Variants in SLC30A8 observed in about 807,000 individuals in gnomAD.
SLC30A8 encodes solute carrier family 30 member 8.
SLC30A8 carries 27 observed loss-of-function variants against 36.9 expected under a neutral mutation model. The observed-to-expected ratio is 0.73, with a 90% CI of 0.54 to 1.01. The LOEUF is 1.01. Ranked by LOEUF, SLC30A8 falls within the 50% of genes least tolerant of loss-of-function variation. SLC30A8 has a pLI of 0.00. For synonymous variants in SLC30A8, 164 were observed against 172.4 expected, an observed-to-expected ratio of 0.95 and a Z score of 0.38; for missense variants, 439 against 452.0, an observed-to-expected ratio of 0.97 and a Z score of 0.26.
intron 2 of SLC30A8, among the ~76,000 whole-genome samples, chr8:117,084,657 G>T (rs1037617105): frequency 3.9e-5 from 6 of 152,080 alleles, no homozygotes; most frequent in Non-Finnish European, 8.8e-5. Context: ...CCGGACTTTT[G>T]TGTTTTTATA....
chr8:117,072,712 G>A (rs10505293), intron 2 of SLC30A8, among the ~76,000 whole-genome samples: 57,748 of 151,688 alleles, frequency 0.38, 14,183 homozygotes, highest in African/African-American at 0.7. Context: ...TATGTGAGCT[G>A]TTTTGTCAGT....
chr8:117,002,998 A>G (rs1205305703), intron 1 of SLC30A8, among the ~76,000 whole-genome samples: 1 of 152,194 alleles, frequency 6.6e-6, no homozygotes, highest in African/African-American at 2.4e-5. Context: ...GATCTCATAC[A>G]GTAGATAATA....
In SLC30A8 at chr8:116,987,572, G is replaced by A. The variant is rs867492963; in HGVS notation, c.-266+36453G>A. Reference sequence around the variant, plus strand: ...GTCTTGAATACCAACATGAAGTTCCGTCAGCTGTTTAATTAGCTTCTGATC... The same window carrying A: ...GTCTTGAATACCAACATGAAGTTCCATCAGCTGTTTAATTAGCTTCTGATC... On this transcript the variant is annotated intron_variant, in intron 1 of 10. Transcript: ENST00000427715. Among the ~76,000 whole-genome samples the A allele has an allele frequency of 7.3e-5, 11 of 151,644 alleles. No homozygotes were observed. In the South Asian group the frequency reaches 1.0e-3, roughly 14 times the overall value.
At chr8:117,035,477 GC>G (rs1248312268) in intron 1 of SLC30A8, among the ~76,000 whole-genome samples, 4 of 152,190 alleles carry the variant, frequency 2.6e-5, no homozygotes, top group Non-Finnish European at 5.9e-5. Flanking sequence ...GGCTCCCACA[GC>G]CTTGGGCAGC....
chr8:117,127,281 C>T (rs1028288184), intron 2 of SLC30A8, among the ~76,000 whole-genome samples: 1 of 152,028 alleles, frequency 6.6e-6, no homozygotes, highest in African/African-American at 2.4e-5. Flanking sequence ...AGTCTTTTCA[C>T]ATTACTTAAT....
chr8:116,986,944 T>A (rs4242567), intron 1 of SLC30A8, among the ~76,000 whole-genome samples: 71,964 of 152,034 alleles, frequency 0.47, 17,320 homozygotes, highest in African/African-American at 0.53. Flanking sequence ...AATGTAAATG[T>A]AATGATACAT....
At chr8:117,127,166 C>T (rs777879673) in intron 2 of SLC30A8, among the ~76,000 whole-genome samples, 3 of 151,976 alleles carry the variant, frequency 2.0e-5, no homozygotes, top group East Asian at 1.9e-4. Context: ...CTAAGCATCG[C>T]GTACCTAATT....
rs546945864 is a variant in SLC30A8, at chr8:117,005,511, T to C, written c.-265-33708T>C. Among the ~76,000 whole-genome samples the C allele has an allele frequency of 3.3e-5, 5 of 152,332 alleles. No individual in the cohort carries two copies. The South Asian group carries it at 1.0e-3, about 32-fold the overall frequency. On this transcript the variant is annotated intron_variant, in intron 1 of 10. Coordinates refer to the SLC30A8 transcript ENST00000427715. ...TAGGTTGATTCCACCTCTTGGCTAT[T>C]GTGAATAGTGCTGCTATTAATATGC... is the stretch of plus-strand genomic sequence containing the variant.
At chr8:117,126,985 A>C (rs1820933326) in intron 2 of SLC30A8, among the ~76,000 whole-genome samples, 1 of 152,000 alleles carries the variant, frequency 6.6e-6, no homozygotes, top group Non-Finnish European at 1.5e-5. Flanking sequence ...ATTTCCAGGT[A>C]ACTGAAGCTT....
chr8:117,063,795 T>C (rs1818088071), intron 2 of SLC30A8, among the ~76,000 whole-genome samples: 1 of 152,038 alleles, frequency 6.6e-6, no homozygotes, highest in South Asian at 2.1e-4. Context: ...TAAGGGAAAA[T>C]AGGAGTTGAG....
chr8:117,072,987 C>T lies in SLC30A8; in HGVS notation c.-226+33729C>T, dbSNP rs929467096. ...AATGTGGTCTTTGGTATAAAATATA[C>T]TGTGTCTGACATTTATGTGTGATGT... On this transcript the variant is annotated intron_variant, in intron 2 of 10. Transcript: ENST00000427715. Among the ~76,000 whole-genome samples the T allele has an allele frequency of 1.1e-4, 16 of 152,162 alleles. No homozygotes were observed. In the East Asian group the frequency reaches 1.7e-3, roughly 17 times the overall value.
rs543318116 is a variant in SLC30A8 at position 116,997,167 on chromosome 8, G to A, written c.-265-42052G>A. 3.3e-5 allele frequency among the ~76,000 whole-genome samples: 5 copies of A among 152,222 alleles called. No homozygotes were observed. In the East Asian group the frequency reaches 9.7e-4, roughly 29 times the overall value. On this transcript the variant is annotated intron_variant, in intron 1 of 10. Coordinates refer to the SLC30A8 transcript ENST00000427715. ...AGAAGACGAAGGGGGTGAAGCACAC[G>A]ATCCCATGCTTACCATCCACCTCTG...
At chr8:117,002,061 T>C (rs1235074376) in intron 1 of SLC30A8, among the ~76,000 whole-genome samples, 4 of 152,232 alleles carry the variant, frequency 2.6e-5, no homozygotes. Context: ...GACCTTTGTC[T>C]GCTTTCTTCC....
intron 2 of SLC30A8, among the ~76,000 whole-genome samples, chr8:117,094,145 C>T: frequency 6.6e-6 from 1 of 152,230 alleles, no homozygotes. Context: ...AGGGCCACAG[C>T]TCTTCTCATC....
In SLC30A8 at chr8:117,135,392, T is replaced by G. The variant is rs761514247; in HGVS notation, c.65T>G (p.Leu22Arg). 6.3e-7 allele frequency: 1 copy of G among 1,594,922 alleles called. No homozygotes were observed. Among genetic ancestry groups the G allele is most frequent in the Non-Finnish European group, 8.6e-7 (1 of 1,168,272 alleles). ...GCTGCCAAGATGTATGCTTTCACAC[T>G]AGAAAGGTAATAGATGTCTGTGTCT... ...DKAAKMYAFT[L>R]ESVELQQKPV... The change falls in exon 1 of 8, where the codon CTA (leucine) becomes CGA (arginine). Residue 22 changes from leucine to arginine, a missense_variant. Physicochemically the swap from Leu to Arg is moderately radical, Grantham distance 102 (BLOSUM62 -2). Coordinates refer to ENST00000456015, the MANE Select transcript of SLC30A8 (RefSeq NM_173851.3).
Position 117,163,345 on chromosome 8 carries a change from G to A in SLC30A8, c.724-80G>A, listed in dbSNP as rs373388309. On this transcript the variant is annotated intron_variant, in intron 5 of 7. Transcript: ENST00000456015. ...TGACAGAGAAGGAAAGACACAGGGA[G>A]GTTTACTTATTTTATTAATCAGACT... is the stretch of plus-strand genomic sequence containing the variant. The A allele has an allele frequency of 4.7e-5, 50 of 1,070,734 alleles. 1 individual carries two copies. In the Admixed American group the frequency reaches 9.1e-4, roughly 19 times the overall value. 66.3% of individuals were successfully genotyped at this position (1,070,734 alleles called of 1,614,324 possible). A position where few individuals can be genotyped will look rare whatever the true frequency, so the allele number is the denominator to read the frequency against.
intron 1 of SLC30A8, among the ~76,000 whole-genome samples, chr8:116,985,293 TACACACACACACACACACACAC>T (rs71305454): frequency 7.1e-6 from 1 of 140,236 alleles, no homozygotes; most frequent in African/African-American, 2.5e-5. Context: ...CTCACACACA[TACACACACACACACACACACAC>T]ACACACACAC....
Position 117,147,137 on chromosome 8 carries a change from G to T in SLC30A8, c.255G>T (p.Met85Ile). Residue 85 changes from methionine (M) to isoleucine (I), a missense_variant, in exon 2 of 8, where the codon ATG (methionine) becomes ATT (isoleucine). Coordinates refer to ENST00000456015, the MANE Select transcript of SLC30A8 (RefSeq NM_173851.3). Reference sequence around the variant, plus strand: ...CTTCAGCAATATGCTTCATTTTCATGATTGCAGAGGTCGTGGGTGAGTCTT... The same window carrying T: ...CTTCAGCAATATGCTTCATTTTCATTATTGCAGAGGTCGTGGGTGAGTCTT... The part of the protein sequence containing the change: ...CSASAICFIF[M>I]IAEVVGGHIA... The T allele has an allele frequency of 6.2e-7, 1 of 1,613,876 alleles. No individual in the cohort carries two copies. The highest frequency in any genetic ancestry group is 8.5e-7 in the Non-Finnish European group (1 of 1,179,974).
At position 117,149,071 on chromosome 8, in the gene SLC30A8, A is replaced by G. The variant is rs1822040344; in HGVS notation, c.271+1918A>G. On this transcript the variant is annotated intron_variant, in intron 2 of 7. Transcript: ENST00000456015. ...GTGTGTTTCGTGTTTTTATCACGTT[A>G]AACAATACCTTATGCTAAATCAAAT... Among the ~76,000 whole-genome samples the G allele has an allele frequency of 2.0e-5, 3 of 152,302 alleles. No homozygotes were observed. The South Asian group carries it at 6.2e-4, about 32-fold the overall frequency.
Sources: allele counts gnomAD v4.1 joint callset (sites outside exome capture counted in the v4.1 genomes callset), GRCh38; gene constraint gnomAD v4.1.1; transcripts MANE v1.5; gene names NCBI Gene and HGNC (gene_info 2026-07-23, HGNC 2026-07-21).